Variants in EPHA3 observed in about 807,000 individuals in gnomAD.
EPHA3 encodes the protein EPH receptor A3.
Under a neutral mutation model 107.1 loss-of-function variants are expected in EPHA3, and 42 were observed. The ratio of observed to expected loss-of-function variants is 0.39; its 90% CI spans 0.31 to 0.51. The LOEUF (loss-of-function observed/expected upper bound fraction) is 0.51, where lower values mean the gene tolerates loss of function less well. EPHA3 is among the 20% of genes least tolerant of loss of function. The probability of loss-of-function intolerance (pLI) is 0.78; values close to 1 mark genes in which losing one functional copy is unlikely to be tolerated. For synonymous variants in EPHA3, 461 were observed against 424.8 expected (o/e 1.09, Z -1.05); for missense variants, 1,183 against 1,211.2 (o/e 0.98, Z 0.35).
At chr3:89,184,160 C>T (rs1705507202) in intron 2 of EPHA3, among the ~76,000 whole-genome samples, 1 of 151,928 alleles carries the variant, frequency 6.6e-6, no homozygotes, top group African/African-American at 2.4e-5. Context: ...TTTTCCTCCT[C>T]AACTTATTCT....
intron 3 of EPHA3, among the ~76,000 whole-genome samples, chr3:89,264,521 G>T (rs78131555): frequency 6.6e-6 from 1 of 152,016 alleles, no homozygotes; most frequent in Non-Finnish European, 1.5e-5. Flanking sequence ...TGTTAGTTAC[G>T]TATTCTAATG....
chr3:89,218,816 A>C (rs566167551), intron 3 of EPHA3, among the ~76,000 whole-genome samples: 1 of 152,334 alleles, frequency 6.6e-6, no homozygotes, highest in African/African-American at 2.4e-5. Flanking sequence ...CAATCATTAA[A>C]AAGTCAGGAA....
intron 1 of EPHA3, among the ~76,000 whole-genome samples, chr3:89,120,053 AT>A (rs1559739963): frequency 1.3e-5 from 2 of 152,174 alleles, no homozygotes; most frequent in South Asian, 2.1e-4. Flanking sequence ...TGATAATATG[AT>A]TTTTTAAATA....
At chr3:89,162,386 A>T (rs919997707) in intron 2 of EPHA3, among the ~76,000 whole-genome samples, 2 of 152,178 alleles carry the variant, frequency 1.3e-5, no homozygotes, top group African/African-American at 2.4e-5. Flanking sequence ...GTGAATGATG[A>T]TGTTAGTTTT....
chr3:89,315,740 A>G (rs1706882233), intron 3 of EPHA3, among the ~76,000 whole-genome samples: 1 of 151,896 alleles, frequency 6.6e-6, no homozygotes, highest in Admixed American at 6.6e-5. Flanking sequence ...AGAAAAAGCA[A>G]CAATGCTAAA....
Position 89,291,997 on chromosome 3 carries a change from C to T in EPHA3, c.815-48919C>T, listed in dbSNP as rs376455614. Among the ~76,000 whole-genome samples, 5 of 152,134 alleles carry T rather than the reference C, an allele frequency of 3.3e-5. No homozygotes were observed. In the East Asian group the frequency reaches 7.7e-4, roughly 23 times the overall value. ...TATAAAGTTGACAAATTCACATGCT[C>T]CAGTGCCCAATGAAACTTTAGTCTC... On this transcript the variant is annotated intron_variant, in intron 3 of 16. Transcript: ENST00000336596.
At chr3:89,370,697 G>C (rs976394058) in intron 5 of EPHA3, among the ~76,000 whole-genome samples, 5 of 150,450 alleles carry the variant, frequency 3.3e-5, no homozygotes, top group African/African-American at 1.2e-4. Flanking sequence ...GTTGTATATA[G>C]ACAAAAAAAT....
At chr3:89,445,767 T>G (rs1224290700) in intron 13 of EPHA3, among the ~76,000 whole-genome samples, 2 of 152,286 alleles carry the variant, frequency 1.3e-5, no homozygotes, top group South Asian at 4.1e-4. Context: ...TACCTACATT[T>G]CCAAAGCTAG....
chr3:89,317,491 C>CA (rs905756754), intron 3 of EPHA3, among the ~76,000 whole-genome samples: 4 of 151,738 alleles, frequency 2.6e-5, no homozygotes, highest in Non-Finnish European at 5.9e-5. Context: ...AATGAACTCA[C>CA]AACATACTCC....
chr3:89,333,331 C>A (rs1707329819), intron 3 of EPHA3, among the ~76,000 whole-genome samples: 1 of 152,120 alleles, frequency 6.6e-6, no homozygotes, highest in African/African-American at 2.4e-5. Flanking sequence ...CAAAATATTT[C>A]TAATTCATCC....
At chr3:89,186,986 C>T (rs914478206) in intron 2 of EPHA3, among the ~76,000 whole-genome samples, 4 of 151,844 alleles carry the variant, frequency 2.6e-5, no homozygotes, top group African/African-American at 9.7e-5. Context: ...TATGTTTCGT[C>T]TTCTAATAAA....
At chr3:89,209,410 CTTTAT>C (rs1329229575) in intron 2 of EPHA3, among the ~76,000 whole-genome samples, 9 of 152,092 alleles carry the variant, frequency 5.9e-5, no homozygotes, top group Non-Finnish European at 2.9e-5. Flanking sequence ...TTTATATTCA[CTTTAT>C]TTTACCTTAT....
intron 3 of EPHA3, among the ~76,000 whole-genome samples, chr3:89,299,492 C>T (rs1388588626): frequency 1.3e-5 from 2 of 151,720 alleles, no homozygotes; most frequent in Admixed American, 6.6e-5. Context: ...GAAAAAGTAA[C>T]GGCATCATCA....
chr3:89,241,936 C>A (rs1576258279), intron 3 of EPHA3, among the ~76,000 whole-genome samples: 1 of 152,130 alleles, frequency 6.6e-6, no homozygotes, highest in African/African-American at 2.4e-5. Flanking sequence ...ATTTATAAAA[C>A]CTCAAGCCTT....
At chr3:89,371,335 A>ACTTAC (rs1708296091) in intron 5 of EPHA3, among the ~76,000 whole-genome samples, 1 of 151,698 alleles carries the variant, frequency 6.6e-6, no homozygotes, top group South Asian at 2.1e-4. Context: ...TCCCTGGAAG[A>ACTTAC]TTACTCTCTT....
chr3:89,325,215 C>T (rs1299809178), intron 3 of EPHA3, among the ~76,000 whole-genome samples: 2 of 152,112 alleles, frequency 1.3e-5, no homozygotes, highest in African/African-American at 2.4e-5. Context: ...CCACTTTGCA[C>T]TCTGCATCAT....
intron 3 of EPHA3, among the ~76,000 whole-genome samples, chr3:89,320,245 A>T (rs766680281): frequency 1.3e-5 from 2 of 152,040 alleles, no homozygotes; most frequent in Non-Finnish European, 2.9e-5. Flanking sequence ...TCCTACAGTT[A>T]TCTTCCATGA....
At position 89,210,113 on chromosome 3, in the gene EPHA3, G is replaced by A. The variant is rs776350196; in HGVS notation, c.407G>A (p.Arg136Gln). ...GATGATGATCATGGGGTGAAATTTC[G>A]AGAGCATCAGTTTACAAAGATTGAC... is the stretch of plus-strand genomic sequence containing the variant. ...ESDDDHGVKF[R>Q]EHQFTKIDTI... The change falls in exon 3 of 17, where the codon CGA becomes CAA. Residue 136 changes from arginine to glutamine, a missense_variant. Transcript: ENST00000336596. 9.4e-5 allele frequency: 152 copies of A among 1,613,810 alleles called. 1 individual carries two copies. In the East Asian group the frequency reaches 3.3e-3, roughly 35 times the overall value.
chr3:89,467,061 T>G (rs1559706465), intron 15 of EPHA3, among the ~76,000 whole-genome samples: 1 of 152,214 alleles, frequency 6.6e-6, no homozygotes, highest in Non-Finnish European at 1.5e-5. Context: ...AAAATTATTT[T>G]TAGTTACTGA....
Sources: gnomAD v4.1 joint callset for allele counts (sites outside exome capture counted in the v4.1 genomes callset) on GRCh38, gnomAD v4.1.1 for gene constraint, MANE v1.5 for transcripts, NCBI Gene and HGNC (gene_info 2026-07-23, HGNC 2026-07-21) for gene names.